GRIP1: variants seen among roughly 807,000 people sequenced by gnomAD.
GRIP1 encodes the protein glutamate receptor-interacting protein 1.
GRIP1 carries 45 observed loss-of-function variants against 129.9 expected under a neutral mutation model. That is an observed-to-expected ratio of 0.35 (90% CI 0.27 to 0.44). GRIP1 has a LOEUF of 0.44. GRIP1 is among the 20% of genes least tolerant of loss of function. The pLI, the probability that GRIP1 is intolerant of heterozygous loss-of-function variation, is 1.00. For synonymous variants in GRIP1, 530 were observed against 520.8 expected (o/e 1.02, Z -0.24); for missense variants, 1,196 against 1,396.8 (o/e 0.86, Z 2.29).
At chr12:66,857,925 T>C (rs2040036021) in intron 1 of GRIP1, among the ~76,000 whole-genome samples, 1 of 151,976 alleles carries the variant, frequency 6.6e-6, no homozygotes. Context: ...TAAAGCCATA[T>C]TAATGTCGAG....
chr12:67,017,568 T>C (rs564515519), intron 1 of GRIP1, among the ~76,000 whole-genome samples: 58 of 152,162 alleles, frequency 3.8e-4, no homozygotes, highest in African/African-American at 1.3e-3. Context: ...TATATGTGCA[T>C]GCTGTTCTAC....
intron 7 of GRIP1, among the ~76,000 whole-genome samples, chr12:66,466,373 C>T (rs1239441504): frequency 6.6e-6 from 1 of 152,162 alleles, no homozygotes; most frequent in Admixed American, 6.5e-5. Flanking sequence ...ATTAGCACAT[C>T]AGAGGTATGC....
At chr12:66,629,984 A>G (rs12320916) in intron 1 of GRIP1, among the ~76,000 whole-genome samples, 3,204 of 151,918 alleles carry the variant, frequency 0.021, 112 homozygotes, top group African/African-American at 0.073. Flanking sequence ...GCCTTTACAC[A>G]CTTTTTTTTT....
At chr12:66,684,920 T>C (rs759143630) in intron 1 of GRIP1, among the ~76,000 whole-genome samples, 2 of 152,094 alleles carry the variant, frequency 1.3e-5, no homozygotes, top group African/African-American at 2.4e-5. Context: ...GAGTCCAACA[T>C]CTGTGGGCAG....
chr12:66,766,708 C>T (rs1226293608), intron 1 of GRIP1, among the ~76,000 whole-genome samples: 1 of 152,194 alleles, frequency 6.6e-6, no homozygotes, highest in Non-Finnish European at 1.5e-5. Context: ...AAAACCTTGA[C>T]TTAAAGATCA....
chr12:66,828,042 C>T (rs992470281), intron 1 of GRIP1, among the ~76,000 whole-genome samples: 2 of 152,146 alleles, frequency 1.3e-5, no homozygotes, highest in African/African-American at 4.8e-5. Context: ...CCTGGACTTG[C>T]CCTAATTTGG....
intron 1 of GRIP1, among the ~76,000 whole-genome samples, chr12:66,668,744 G>A (rs1184611114): frequency 6.6e-6 from 1 of 151,604 alleles, no homozygotes; most frequent in Non-Finnish European, 1.5e-5. Flanking sequence ...CAAACATAGG[G>A]ACATAGGGAG....
At chr12:67,013,737 A>G (rs1033081231) in intron 1 of GRIP1, among the ~76,000 whole-genome samples, 3 of 152,214 alleles carry the variant, frequency 2.0e-5, no homozygotes, top group Non-Finnish European at 4.4e-5. Flanking sequence ...CATTCTATCC[A>G]GCCTCCAACA....
intron 1 of GRIP1, chr12:67,035,428 T>C (rs1021827351): frequency 2.6e-5 from 4 of 152,236 alleles, no homozygotes; most frequent in Non-Finnish European, 4.4e-5. Context: ...GCCAGCTGTT[T>C]ACTTAGACAT....
chr12:66,866,578 A>G (rs1463290891), intron 1 of GRIP1, among the ~76,000 whole-genome samples: 2 of 152,224 alleles, frequency 1.3e-5, no homozygotes, highest in African/African-American at 4.8e-5. Context: ...ACTGCAGTCA[A>G]TAATAACCTA....
chr12:66,678,741 C>T (rs2034452740), intron 1 of GRIP1, 109 bp downstream of exon 1: 1 of 995,624 alleles, frequency 1.0e-6, no homozygotes, highest in Non-Finnish European at 1.6e-6. Context: ...TCTTTGTTGC[C>T]TGACAATAAA....
In GRIP1 at chr12:66,539,242, T is replaced by C. The variant is rs1361310004; in HGVS notation, c.273-19A>G. The stretch of plus-strand genomic sequence containing the variant: ...GTCACTTCTGCAAAATAGACAATGT[T>C]GTTTCAACAGACCCACCCTCTCCAT... On this transcript the variant is annotated intron_variant, in intron 3 of 24. Transcript: ENST00000359742. 1.2e-6 allele frequency: 2 copies of C among 1,613,842 alleles called. No individual in the cohort carries two copies.
intron 1 of GRIP1, among the ~76,000 whole-genome samples, chr12:66,621,618 G>A (rs566789113): frequency 3.9e-5 from 6 of 152,166 alleles, no homozygotes; most frequent in South Asian, 2.1e-4. Flanking sequence ...ATATGTAGGC[G>A]TGGAATTGTG....
intron 1 of GRIP1, among the ~76,000 whole-genome samples, chr12:66,667,349 C>A (rs185225550): frequency 6.6e-6 from 1 of 152,238 alleles, no homozygotes; most frequent in East Asian, 1.9e-4. Context: ...GGATGTGATA[C>A]CTTCTTGAAT....
chr12:66,493,400 T>C (rs909230440), intron 7 of GRIP1, among the ~76,000 whole-genome samples: 1 of 152,222 alleles, frequency 6.6e-6, no homozygotes, highest in African/African-American at 2.4e-5. Context: ...TGGAACTGTA[T>C]ATGCCTTCAG....
At chr12:66,631,065 G>A (rs2030723777) in intron 1 of GRIP1, among the ~76,000 whole-genome samples, 2 of 152,026 alleles carry the variant, frequency 1.3e-5, no homozygotes, top group Admixed American at 1.3e-4. Flanking sequence ...CCAACCAAGA[G>A]TAGCTGGGAT....
At chr12:66,597,718 T>C (rs1469933371) in intron 1 of GRIP1, among the ~76,000 whole-genome samples, 1 of 152,026 alleles carries the variant, frequency 6.6e-6, no homozygotes, top group Non-Finnish European at 1.5e-5. Context: ...GGTGACAAGA[T>C]CATGGAGACA....
chr12:66,547,219 AATTGAT>A (rs2061973946), intron 2 of GRIP1, among the ~76,000 whole-genome samples: 1 of 152,194 alleles, frequency 6.6e-6, no homozygotes, highest in Non-Finnish European at 1.5e-5. Flanking sequence ...TTAAAACTAC[AATTGAT>A]ATCATTACAC....
intron 8 of GRIP1, among the ~76,000 whole-genome samples, chr12:66,464,784 C>T (rs1241388869): frequency 1.3e-5 from 2 of 151,646 alleles, no homozygotes; most frequent in Non-Finnish European, 2.9e-5. Context: ...TAACTTGCTT[C>T]TGTGTGTGAA....
Sources: gnomAD v4.1 joint callset for allele counts (sites outside exome capture counted in the v4.1 genomes callset) on GRCh38, gnomAD v4.1.1 for gene constraint, MANE v1.5 for transcripts, NCBI Gene and HGNC (gene_info 2026-07-23, HGNC 2026-07-21) for gene names.